Variants in PAXIP1 observed in about 807,000 individuals in gnomAD.
PAXIP1 encodes the protein PAX interacting protein 1, also known as PAX-interacting protein 1.
PAXIP1 carries 19 observed loss-of-function variants against 140.6 expected under a neutral mutation model. The observed-to-expected ratio is 0.14, with a 90% confidence interval of 0.09 to 0.20. PAXIP1 has a LOEUF of 0.20. Ranked by LOEUF, PAXIP1 falls within the 10% of genes least tolerant of loss-of-function variation. The probability of loss-of-function intolerance (pLI) is 1.00; values close to 1 mark genes in which losing one functional copy is unlikely to be tolerated. For synonymous variants in PAXIP1, 442 were observed against 444.6 expected, an observed-to-expected ratio of 0.99 and a Z score of 0.07; for missense variants, 920 against 1,208.6, an observed-to-expected ratio of 0.76 and a Z score of 3.54.
In PAXIP1 at chr7:154,946,634, A is replaced by T; in HGVS notation, c.3057+45T>A. 6.2e-7 allele frequency: 1 copy of T among 1,613,668 alleles called. No homozygotes were observed. The highest frequency in any genetic ancestry group is 1.1e-5 in the South Asian group (1 of 91,066). On this transcript the variant is annotated intron_variant, in intron 18 of 20. Coordinates refer to ENST00000404141, the MANE Select transcript of PAXIP1 (RefSeq NM_007349.4). The surrounding 1 kb of genome is among the most constrained non-coding windows in gnomAD (Gnocchi z 4.9). Reference sequence around the variant, plus strand: ...TCTCAGTGACCGAACGCTGAATGTGATACAGGGCAATGACGGACTCGCTGG... The same window carrying T: ...TCTCAGTGACCGAACGCTGAATGTGTTACAGGGCAATGACGGACTCGCTGG...
chr7:154,978,919 T>C (rs993797373), intron 5 of PAXIP1, among the ~76,000 whole-genome samples: 2 of 152,226 alleles, frequency 1.3e-5, no homozygotes, highest in Non-Finnish European at 2.9e-5. Flanking sequence ...CTAGTTTGTA[T>C]AGAATGCTGG....
intron 16 of PAXIP1, among the ~76,000 whole-genome samples, chr7:154,953,056 A>C (rs1205478809): frequency 6.6e-6 from 1 of 152,232 alleles, no homozygotes; most frequent in Non-Finnish European, 1.5e-5. Flanking sequence ...TCTGTGGCCA[A>C]AAATGTGACA....
Position 154,946,019 on chromosome 7 carries a change from ACAAACT to A in PAXIP1, c.3194+340_3194+345del. 2 of 984,788 alleles carry A rather than the reference ACAAACT, an allele frequency of 2.0e-6. No homozygotes were observed. The highest frequency in any genetic ancestry group is 2.4e-6 in the Non-Finnish European group (2 of 829,312). The allele number at this position is 984,788 out of a possible 1,614,324, so 61.0% of individuals were successfully genotyped here. On this transcript the variant is annotated intron_variant, in intron 20 of 20. Coordinates refer to ENST00000404141, the MANE Select transcript of PAXIP1 (RefSeq NM_007349.4). This position sits in a 1 kb window ranked among gnomAD's most constrained non-coding sequence, Gnocchi z 4.9. Reference sequence around the variant, plus strand: ...CGAACTAAATTTCATTTGGAAAACTACAAACTCAAAGGTGAGCTGATAAAAAGAAAC... The same window carrying A: ...CGAACTAAATTTCATTTGGAAAACTACAAAGGTGAGCTGATAAAAAGAAAC...
At chr7:154,962,753 G>A in intron 9 of PAXIP1, 1 of 206,568 alleles carries the variant, frequency 4.8e-6, no homozygotes. Context: ...GACCACCAAA[G>A]TTAAAAGTGC....
chr7:154,971,199 C>T (rs1256149118), intron 6 of PAXIP1, among the ~76,000 whole-genome samples: 1 of 152,238 alleles, frequency 6.6e-6, no homozygotes, highest in African/African-American at 2.4e-5. Flanking sequence ...GGACAGGAGG[C>T]AACTTACAGC....
At chr7:154,990,214 T>C (rs1045182578) in intron 4 of PAXIP1, among the ~76,000 whole-genome samples, 7 of 152,060 alleles carry the variant, frequency 4.6e-5, no homozygotes, top group African/African-American at 1.7e-4. Context: ...GCTAATTTTG[T>C]ATTTTTAGTA....
At chr7:154,960,005 T>A (rs1808688771) in intron 12 of PAXIP1, 72 bp from the exon 13 acceptor site, 2 of 944,178 alleles carry the variant, frequency 2.1e-6, no homozygotes, top group Middle Eastern at 2.1e-4. Context: ...TATAAAAGTC[T>A]TCCCTGATAA....
chr7:154,967,582 T>C (rs1279797753), intron 8 of PAXIP1: 2 of 494,926 alleles, frequency 4.0e-6, no homozygotes, highest in Non-Finnish European at 7.1e-6. Flanking sequence ...CCCCCTGGAA[T>C]TTCCAAGCTG....
At chr7:154,995,020 C>A (rs1810509191) in intron 2 of PAXIP1, among the ~76,000 whole-genome samples, 1 of 152,196 alleles carries the variant, frequency 6.6e-6, no homozygotes, top group Non-Finnish European at 1.5e-5. Context: ...TTCAGAACAC[C>A]TTCATGTAGA....
At chr7:154,945,491 G>A (rs1807918185) in intron 20 of PAXIP1, 1 of 983,818 alleles carries the variant, frequency 1.0e-6, no homozygotes, top group Non-Finnish European at 1.2e-6. Flanking sequence ...GGCAAGGATG[G>A]GTATCATTCT....
At chr7:154,995,432 C>T (rs1056049090) in intron 2 of PAXIP1, among the ~76,000 whole-genome samples, 43 of 152,180 alleles carry the variant, frequency 2.8e-4, no homozygotes, top group African/African-American at 8.4e-4. Context: ...TGAGGCCCTA[C>T]TTCAGATAAG....
intron 2 of PAXIP1, among the ~76,000 whole-genome samples, chr7:154,994,986 G>C (rs911983945): frequency 6.6e-6 from 1 of 152,094 alleles, no homozygotes; most frequent in East Asian, 1.9e-4. Context: ...ATCAGGAATC[G>C]GTATTGGCCT....
chr7:154,975,688 T>G lies in PAXIP1; in HGVS notation c.1074+8A>C, dbSNP rs746991415. The stretch of plus-strand genomic sequence containing the variant: ...ATACTGACATTTTTTTCGGAAAGAG[T>G]GACTTACATGTGCTACATTTGATGG... On this transcript the variant is annotated splice_region_variant and intron_variant, in intron 6 of 20. Transcript: ENST00000404141. 3 of 1,571,362 alleles carry G rather than the reference T, an allele frequency of 1.9e-6. No individual in the cohort carries two copies. Among genetic ancestry groups the G allele is most frequent in the African/African-American group, 2.7e-5 (2 of 73,812 alleles).
intron 2 of PAXIP1, among the ~76,000 whole-genome samples, chr7:154,994,862 T>C (rs1440344569): frequency 2.6e-5 from 4 of 152,258 alleles, no homozygotes; most frequent in Non-Finnish European, 5.9e-5. Flanking sequence ...ATTAGTTATC[T>C]GAAATCTGAA....
chr7:154,997,396 G>A (rs1251270342), intron 2 of PAXIP1, among the ~76,000 whole-genome samples: 1 of 152,168 alleles, frequency 6.6e-6, no homozygotes, highest in African/African-American at 2.4e-5. Flanking sequence ...GGGACTACAG[G>A]TGAGTCCCAC....
intron 13 of PAXIP1, among the ~76,000 whole-genome samples, chr7:154,957,794 C>T (rs1217413703): frequency 4.6e-5 from 7 of 150,846 alleles, no homozygotes; most frequent in African/African-American, 7.3e-5. Context: ...GGTGAAACCC[C>T]GTCTCTACTA....
chr7:154,969,292 T>C (rs1809186441), intron 6 of PAXIP1, among the ~76,000 whole-genome samples, 166 bp from the exon 7 acceptor site: 1 of 152,272 alleles, frequency 6.6e-6, no homozygotes, highest in Admixed American at 6.5e-5. Flanking sequence ...TTCTTTTGTA[T>C]TTATTTTGTA....
intron 16 of PAXIP1, among the ~76,000 whole-genome samples, chr7:154,953,390 G>A (rs902802971): frequency 1.3e-5 from 2 of 152,212 alleles, no homozygotes; most frequent in East Asian, 3.8e-4. Flanking sequence ...TGATGGAGTA[G>A]CCAGGGAGCT....
rs549411335 is a variant in PAXIP1, at chr7:154,973,311, G to C, written c.1074+2385C>G. 6.6e-6 allele frequency among the ~76,000 whole-genome samples: 1 copy of C among 152,142 alleles called. No individual in the cohort carries two copies. The highest frequency in any genetic ancestry group is 2.4e-5 in the African/African-American group (1 of 41,486). ...GCGGTGGGCACTGAAGCAGGCCCAA[G>C]AGCTCCTAACGGGCAGCTGCTGTTC... On this transcript the variant is annotated intron_variant, in intron 6 of 20. Coordinates refer to ENST00000404141, the MANE Select transcript of PAXIP1 (RefSeq NM_007349.4). This position sits in a 1 kb window ranked among gnomAD's most constrained non-coding sequence, Gnocchi z 4.0.
Sources: allele counts gnomAD v4.1 joint callset (sites outside exome capture counted in the v4.1 genomes callset), GRCh38; gene constraint gnomAD v4.1.1; non-coding constraint Gnocchi (gnomAD v3.1); transcripts MANE v1.5; gene names NCBI Gene and HGNC (gene_info 2026-07-23, HGNC 2026-07-21).